The following SMAD4 variants were observed in gnomAD, a reference collection of about 807,000 sequenced individuals.
SMAD4 encodes the protein MAD homolog 4.
SMAD4 carries 7 observed loss-of-function variants against 63.2 expected under a neutral mutation model. That is an observed-to-expected ratio of 0.11 (90% CI 0.06 to 0.21). The LOEUF is 0.21. Among genes scored for constraint, SMAD4 ranks in the 10% least tolerant of loss-of-function variants. The pLI is 1.00. For synonymous variants in SMAD4, 215 were observed against 235.4 expected, an observed-to-expected ratio of 0.91 and a Z score of 0.79; for missense variants, 312 against 693.8, an observed-to-expected ratio of 0.45 and a Z score of 6.18.
intron 4 of SMAD4, chr18:51,054,463 G>T: frequency 3.0e-6 from 1 of 338,680 alleles, no homozygotes; most frequent in East Asian, 7.1e-5. Flanking sequence ...GTATTTAGGT[G>T]ATTATTCTTC....
In SMAD4 at chr18:51,048,866, T is replaced by C. The variant is rs771456293; in HGVS notation, c.424+6T>C. ...AGTTGTATCACCTGGAATTGGTAAG[T>C]AGACTTTGCTTTCATCCTAAGAAAC... On this transcript the variant is annotated splice_donor_region_variant and intron_variant, in intron 3 of 11. Transcript: ENST00000342988. 9.3e-6 allele frequency: 15 copies of C among 1,610,568 alleles called. No homozygotes were observed. The highest frequency in any genetic ancestry group is 1.1e-5 in the Non-Finnish European group (13 of 1,177,338).
intron 10 of SMAD4, among the ~76,000 whole-genome samples, chr18:51,073,396 C>A (rs1290794412): frequency 6.3e-5 from 3 of 47,568 alleles, no homozygotes; most frequent in Admixed American, 5.1e-4. Context: ...TATACACACA[C>A]ACACACACAC....
In SMAD4 at chr18:51,058,360, G is replaced by A. The variant is rs2144428548; in HGVS notation, c.808G>A (p.Gly270Arg). Residue 270 changes from glycine (G) to arginine (R), a missense_variant, in exon 7 of 12, where the codon GGA becomes AGA. This residue lies in a region of SMAD4 where 169 missense variants were observed against 211.0 expected (regional missense o/e 0.80). Transcript: ENST00000342988. ...TTTAGACAGCACTACCACCTGGACT[G>A]GAAGTAGGACTGCACCATACACACC... ...YHHNSTTTWT[G>R]SRTAPYTPNL... 1 of 1,614,108 alleles carries A rather than the reference G, an allele frequency of 6.2e-7. No individual in the cohort carries two copies.
intron 1 of SMAD4, among the ~76,000 whole-genome samples, chr18:51,036,602 G>GA (rs1280867586): frequency 2.6e-5 from 4 of 152,156 alleles, no homozygotes; most frequent in Admixed American, 2.6e-4. Context: ...TAATTGTAAG[G>GA]AAAAATGATA....
chr18:51,054,894 G>T lies in SMAD4; in HGVS notation c.568G>T (p.Ala190Ser), dbSNP rs61751988. ...CATCCAGCATCCACCAAGTAATCGT[G>T]CATCGACAGAGACATACAGCACCCC... ...QTIQHPPSNR[A>S]STETYSTPAL... Residue 190 changes from alanine to serine, a missense_variant, in exon 5 of 12, where the codon GCA (alanine) becomes TCA (serine). By Grantham distance (99) the Ala-to-Ser change is moderately conservative. This residue lies in a region of SMAD4 where 169 missense variants were observed against 211.0 expected (regional missense o/e 0.80). Transcript: ENST00000342988. The T allele has an allele frequency of 6.2e-7, 1 of 1,614,106 alleles. No homozygotes were observed. The highest frequency in any genetic ancestry group is 8.5e-7 in the Non-Finnish European group (1 of 1,179,956).
At chr18:51,071,967 T>A (rs1383978056) in intron 10 of SMAD4, among the ~76,000 whole-genome samples, 3 of 152,236 alleles carry the variant, frequency 2.0e-5, no homozygotes, top group Non-Finnish European at 2.9e-5. Flanking sequence ...TTTTTATGGC[T>A]GAATAGTGCT....
chr18:51,084,678 T>C lies in SMAD4; in HGVS notation c.*6211T>C. 1 of 231,862 alleles carries C rather than the reference T, an allele frequency of 4.3e-6. No individual in the cohort carries two copies. The highest frequency in any genetic ancestry group is 8.5e-6 in the Non-Finnish European group (1 of 117,104). 14.4% of individuals were successfully genotyped at this position (231,862 alleles called of 1,614,324 possible). A position where few individuals can be genotyped will look rare whatever the true frequency, so the allele number is the denominator to read the frequency against. ...CAAACTTTCTTCAAGTATTGAGTTC[T>C]GTTCAATGCATTGGACATGTGATTT... On this transcript the variant is annotated 3_prime_UTR_variant, in exon 12 of 12. Transcript: ENST00000342988.
chr18:51,055,366 T>C (rs1247790028), intron 5 of SMAD4, among the ~76,000 whole-genome samples: 1 of 152,192 alleles, frequency 6.6e-6, no homozygotes, highest in South Asian at 2.1e-4. Flanking sequence ...GGTGTTCTTA[T>C]TTTGGTTTTT....
At chr18:51,061,179 G>A (rs553541046) in intron 8 of SMAD4, among the ~76,000 whole-genome samples, 1 of 152,112 alleles carries the variant, frequency 6.6e-6, no homozygotes, top group African/African-American at 2.4e-5. Context: ...GGAAGATGGG[G>A]TATACATCCC....
intron 5 of SMAD4, among the ~76,000 whole-genome samples, chr18:51,055,776 C>A (rs1909828910): frequency 6.6e-6 from 1 of 151,460 alleles, no homozygotes; most frequent in Non-Finnish European, 1.5e-5. Flanking sequence ...CATGCAGTTG[C>A]TAAAGGAATT....
intron 1 of SMAD4, among the ~76,000 whole-genome samples, chr18:51,042,509 C>T (rs1242911974): frequency 2.0e-5 from 3 of 151,574 alleles, no homozygotes; most frequent in Non-Finnish European, 2.9e-5. Context: ...GTAGCTGGGA[C>T]TATAGGCATG....
intron 8 of SMAD4, among the ~76,000 whole-genome samples, chr18:51,063,906 A>G (rs893935287): frequency 2.0e-5 from 3 of 152,206 alleles, no homozygotes; most frequent in African/African-American, 7.2e-5. Flanking sequence ...TCCAATCTTC[A>G]TGTGATCTGT....
chr18:51,056,612 T>TC lies in SMAD4; in HGVS notation c.668-1511dup, dbSNP rs538227524. 3.8e-4 allele frequency among the ~76,000 whole-genome samples: 37 copies of TC among 96,934 alleles called. No homozygotes were observed. In the South Asian group the frequency reaches 0.014, roughly 36 times the overall value. The allele number at this position is 96,934 out of a possible 152,430, so 63.6% of individuals were successfully genotyped here. ...TCCAGCCTGGGCGACACAGCGAGAC[T>TC]CCATCTCCAAAAAAAAAAAAAAAAA... is the stretch of plus-strand genomic sequence containing the variant. On this transcript the variant is annotated intron_variant, in intron 5 of 11. Transcript: ENST00000342988.
chr18:51,075,630 G>T (rs1465142286), intron 10 of SMAD4, among the ~76,000 whole-genome samples: 1 of 152,088 alleles, frequency 6.6e-6, no homozygotes, highest in African/African-American at 2.4e-5. Flanking sequence ...CAGAAAAAAA[G>T]GTGATGTGAT....
intron 9 of SMAD4, 51 bp downstream of exon 9, chr18:51,065,657 T>C (rs1222430503): frequency 7.0e-7 from 1 of 1,426,326 alleles, no homozygotes; most frequent in Non-Finnish European, 9.8e-7. Flanking sequence ...GCATAGTACA[T>C]TGTCTTTTAT....
rs75089417 is a variant in SMAD4 at position 51,050,863 on chromosome 18, T to G, written c.454+1539T>G. 7.2e-3 allele frequency among the ~76,000 whole-genome samples: 1,098 copies of G among 151,928 alleles called. 11 individuals carry two copies. Among genetic ancestry groups the G allele is most frequent in the African/African-American group, 0.025 (1,034 of 41,420 alleles). ...CACCTTTCTCCCATATCACTGGTAA[T>G]GGAGGAAGACTCACTGCCTTGTGGT... is the stretch of plus-strand genomic sequence containing the variant. On this transcript the variant is annotated intron_variant, in intron 4 of 11. Transcript: ENST00000342988.
At chr18:51,048,229 CTCACTGCAGCCT>C (rs1221717257) in intron 2 of SMAD4, among the ~76,000 whole-genome samples, 2 of 152,160 alleles carry the variant, frequency 1.3e-5, no homozygotes, top group Non-Finnish European at 2.9e-5. Context: ...CAAAACATGG[CTCACTGCAGCCT>C]TGACCTACTG....
At chr18:51,063,770 C>T (rs1219163135) in intron 8 of SMAD4, among the ~76,000 whole-genome samples, 2 of 152,176 alleles carry the variant, frequency 1.3e-5, no homozygotes, top group Non-Finnish European at 2.9e-5. Flanking sequence ...TCAGTGAAGA[C>T]ACTTAGTGTA....
At chr18:51,043,428 C>T (rs561885616) in intron 1 of SMAD4, among the ~76,000 whole-genome samples, 1 of 152,304 alleles carries the variant, frequency 6.6e-6, no homozygotes, top group African/African-American at 2.4e-5. Context: ...AACATTCAGT[C>T]ATGCGGCTAG....
Sources: allele counts gnomAD v4.1 joint callset (sites outside exome capture counted in the v4.1 genomes callset), GRCh38; gene constraint gnomAD v4.1.1; regional missense constraint gnomAD v4.1.1; transcripts MANE v1.5; gene names NCBI Gene and HGNC (gene_info 2026-07-23, HGNC 2026-07-21).